The following UNC5B variants were observed in gnomAD, a reference collection of about 807,000 sequenced individuals.
The protein encoded by UNC5B is netrin receptor UNC5B.
A neutral mutation model predicts 103.7 loss-of-function variants in UNC5B; 56 were observed. The ratio of observed to expected loss-of-function variants is 0.54; its 90% confidence interval spans 0.44 to 0.67. UNC5B has a LOEUF of 0.67. UNC5B is among the 30% of genes least tolerant of loss of function. UNC5B has a pLI of 0.00. For synonymous variants in UNC5B, 577 were observed against 542.0 expected, an observed-to-expected ratio of 1.06 and a Z score of -0.90; for missense variants, 1,194 against 1,284.5, an observed-to-expected ratio of 0.93 and a Z score of 1.08.
chr10:71,251,182 C>T (rs1844164501), intron 1 of UNC5B, among the ~76,000 whole-genome samples: 1 of 152,140 alleles, frequency 6.6e-6, no homozygotes, highest in African/African-American at 2.4e-5. Flanking sequence ...TACCCCGCTG[C>T]TTGCTTGGAT....
At chr10:71,279,308 C>T (rs1223386262) in intron 1 of UNC5B, among the ~76,000 whole-genome samples, 2 of 152,344 alleles carry the variant, frequency 1.3e-5, no homozygotes, top group East Asian at 1.9e-4. Flanking sequence ...TGCCCCGCAG[C>T]CCTGGCTCCT....
At chr10:71,267,780 A>T (rs571209915) in intron 1 of UNC5B, among the ~76,000 whole-genome samples, 58 of 152,298 alleles carry the variant, frequency 3.8e-4, no homozygotes, top group African/African-American at 1.4e-3. Flanking sequence ...GGCCAGTGCC[A>T]CCTGTCTCCC....
Position 71,238,997 on chromosome 10 carries a change from G to C in UNC5B, c.79+25933G>C, listed in dbSNP as rs1362384918. ...TAAGGCTTCTGCCTGCTCAGACTTA[G>C]AAATGGAGGCCTGGTAACACCCTGT... is the stretch of plus-strand genomic sequence containing the variant. On this transcript the variant is annotated intron_variant, in intron 1 of 16. Coordinates refer to ENST00000335350, the MANE Select transcript of UNC5B (RefSeq NM_170744.5). 2.0e-5 allele frequency among the ~76,000 whole-genome samples: 3 copies of C among 152,130 alleles called. No homozygotes were observed. The South Asian group carries it at 6.2e-4, about 32-fold the overall frequency.
At chr10:71,229,081 A>T (rs1200791312) in intron 1 of UNC5B, among the ~76,000 whole-genome samples, 1 of 152,142 alleles carries the variant, frequency 6.6e-6, no homozygotes, top group African/African-American at 2.4e-5. Flanking sequence ...AGGGAATCGA[A>T]CTTGGAGCTG....
At position 71,286,762 on chromosome 10, in the gene UNC5B, A is replaced by G; in HGVS notation, c.626A>G (p.Asn209Ser). Reference sequence around the variant, plus strand: ...AACTTCCTGCTCACCATCGACCACAACCTCATCATCCGCCAGGCCCGCCTG... The same window carrying G: ...AACTTCCTGCTCACCATCGACCACAGCCTCATCATCCGCCAGGCCCGCCTG... Reference protein sequence around the residue: ...DTNFLLTIDHNLIIRQARLSD... With the variant: ...DTNFLLTIDHSLIIRQARLSD... Residue 209 changes from asparagine (N) to serine (S), a missense_variant, in exon 5 of 17, where the codon AAC (asparagine) becomes AGC (serine). Coordinates refer to ENST00000335350, the MANE Select transcript of UNC5B (RefSeq NM_170744.5). 1 of 1,613,804 alleles carries G rather than the reference A, an allele frequency of 6.2e-7. No homozygotes were observed. The highest frequency in any genetic ancestry group is 8.5e-7 in the Non-Finnish European group (1 of 1,179,948).
Position 71,302,122 on chromosome 10 carries a change from C to T in UNC5B, c.*2845C>T, listed in dbSNP as rs1208371182. The T allele has an allele frequency of 6.6e-6, 1 of 152,250 alleles. No homozygotes were observed. The highest frequency in any genetic ancestry group is 1.5e-5 in the Non-Finnish European group (1 of 68,068). 9.4% of individuals were successfully genotyped at this position (152,250 alleles called of 1,614,324 possible). ...TCCATCCGTCTGTGGAGGCTGCCTG[C>T]CTCCGGGGTGGGATGGGTGGTTTCT... On this transcript the variant is annotated 3_prime_UTR_variant, in exon 17 of 17. Coordinates refer to ENST00000335350, the MANE Select transcript of UNC5B (RefSeq NM_170744.5).
chr10:71,284,817 C>T lies in UNC5B; in HGVS notation c.402C>T (p.Ser134=). Reference sequence around the variant, plus strand: ...ACTGGTGCCAGTGCGTGGCCTGGAGCTCCGCGGGCACCACCAAGAGTCGCC... The same window carrying T: ...ACTGGTGCCAGTGCGTGGCCTGGAGTTCCGCGGGCACCACCAAGAGTCGCC... ...EDYWCQCVAW[S]SAGTTKSRRA... The change falls in exon 3 of 17, where the codon AGC becomes AGT. Residue 134 remains serine (S), a synonymous_variant. Coordinates refer to ENST00000335350, the MANE Select transcript of UNC5B (RefSeq NM_170744.5). The T allele has an allele frequency of 1.2e-6, 2 of 1,613,594 alleles. No individual in the cohort carries two copies. The highest frequency in any genetic ancestry group is 1.7e-6 in the Non-Finnish European group (2 of 1,179,856).
Position 71,235,664 on chromosome 10 carries a change from G to A in UNC5B, c.79+22600G>A, listed in dbSNP as rs1399911204. Among the ~76,000 whole-genome samples, 6 of 152,316 alleles carry A rather than the reference G, an allele frequency of 3.9e-5. No individual in the cohort carries two copies. In the East Asian group the frequency reaches 1.2e-3, roughly 29 times the overall value. ...GTAGGGGGGTCCTAGGGGGTTCCCG[G>A]AGCCCAGCCTCCAGCCCTGAGGACT... On this transcript the variant is annotated intron_variant, in intron 1 of 16. Coordinates refer to ENST00000335350, the MANE Select transcript of UNC5B (RefSeq NM_170744.5).
At chr10:71,230,593 C>T (rs1004671926) in intron 1 of UNC5B, among the ~76,000 whole-genome samples, 18 of 152,384 alleles carry the variant, frequency 1.2e-4, no homozygotes, top group African/African-American at 3.4e-4. Flanking sequence ...GGTATGTGGG[C>T]CTCCCCCCAC....
intron 1 of UNC5B, among the ~76,000 whole-genome samples, chr10:71,276,306 AC>A (rs983563938): frequency 6.6e-5 from 10 of 151,890 alleles, no homozygotes; most frequent in African/African-American, 2.4e-4. Context: ...GCATCCAGGA[AC>A]CCCGAGACCC....
Position 71,295,882 on chromosome 10 carries a change from C to T in UNC5B, c.2247C>T (p.Asp749=). The T allele has an allele frequency of 6.2e-7, 1 of 1,613,384 alleles. No individual in the cohort carries two copies. The highest frequency in any genetic ancestry group is 1.3e-5 in the African/African-American group (1 of 75,036). ...VEEPKPLMFK[D]SYHNLRLSLH... is the part of the protein sequence containing the mutation. Reference sequence around the variant, plus strand: ...AGCCGAAACCGCTAATGTTCAAGGACAGTTACCACAACCTGCGCCTCTCCC... The same window carrying T: ...AGCCGAAACCGCTAATGTTCAAGGATAGTTACCACAACCTGCGCCTCTCCC... The change falls in exon 14 of 17, where the codon GAC becomes GAT. Residue 749 remains aspartate (D), a synonymous_variant. Transcript: ENST00000335350.
At chr10:71,241,570 C>T (rs1466609586) in intron 1 of UNC5B, among the ~76,000 whole-genome samples, 1 of 152,146 alleles carries the variant, frequency 6.6e-6, no homozygotes, top group Non-Finnish European at 1.5e-5. Flanking sequence ...GGGAAATGTG[C>T]TTATCGGGCA....
chr10:71,264,351 C>T (rs547316841), intron 1 of UNC5B, among the ~76,000 whole-genome samples: 19 of 152,304 alleles, frequency 1.2e-4, no homozygotes, highest in African/African-American at 4.3e-4. Flanking sequence ...AAGCTCATTG[C>T]GTGTATTAAC....
At chr10:71,281,555 T>TG (rs1844928994) in intron 2 of UNC5B, among the ~76,000 whole-genome samples, 1 of 152,238 alleles carries the variant, frequency 6.6e-6, no homozygotes, top group Non-Finnish European at 1.5e-5. Flanking sequence ...TTAGCCAGGA[T>TG]GGTCTCAATC....
chr10:71,215,892 C>T (rs913649528), intron 1 of UNC5B, among the ~76,000 whole-genome samples: 49 of 152,050 alleles, frequency 3.2e-4, no homozygotes, highest in Non-Finnish European at 5.9e-5. Context: ...GTCCTTGTCT[C>T]CCTCTGCACT....
chr10:71,256,893 A>C (rs928292999), intron 1 of UNC5B, among the ~76,000 whole-genome samples: 1 of 152,254 alleles, frequency 6.6e-6, no homozygotes, highest in African/African-American at 2.4e-5. Flanking sequence ...GGATGTCACA[A>C]GAACACGGCA....
chr10:71,289,759 G>A (rs1049094195), intron 8 of UNC5B, among the ~76,000 whole-genome samples: 4 of 10,028 alleles, frequency 4.0e-4, no homozygotes, highest in African/African-American at 5.9e-4. Context: ...GCTGAACCAG[G>A]AGCCCAGCCC....
At chr10:71,228,939 G>C (rs145192057) in intron 1 of UNC5B, among the ~76,000 whole-genome samples, 1 of 152,256 alleles carries the variant, frequency 6.6e-6, no homozygotes, top group Non-Finnish European at 1.5e-5. Flanking sequence ...CTCCAGATTC[G>C]GTGCTCCTTC....
intron 2 of UNC5B, among the ~76,000 whole-genome samples, chr10:71,281,372 G>T (rs181216462): frequency 2.0e-5 from 3 of 148,678 alleles, no homozygotes; most frequent in Non-Finnish European, 4.4e-5. Context: ...ACAGAGTCTC[G>T]CTCTGTCACC....
Sources: gnomAD v4.1 joint callset for allele counts (sites outside exome capture counted in the v4.1 genomes callset) on GRCh38, gnomAD v4.1.1 for gene constraint, MANE v1.5 for transcripts, NCBI Gene and HGNC (gene_info 2026-07-23, HGNC 2026-07-21) for gene names.